The following GPC6 variants were observed in gnomAD, a reference collection of about 807,000 sequenced individuals.
The protein encoded by GPC6 is glypican 6.
In GPC6, 14 loss-of-function variants were observed where a neutral mutation model predicts 55.2. The ratio of observed to expected loss-of-function variants is 0.25; its 90% CI spans 0.17 to 0.40. The LOEUF is 0.40. Among genes scored for constraint, GPC6 ranks in the 10% least tolerant of loss-of-function variants. The pLI, the probability that GPC6 is intolerant of heterozygous loss-of-function variation, is 1.00. For missense variants in GPC6, 641 were observed against 708.5 expected, an observed-to-expected ratio of 0.90 and a Z score of 1.08; for synonymous variants, 278 against 259.6, an observed-to-expected ratio of 1.07 and a Z score of -0.68.
intron 2 of GPC6, among the ~76,000 whole-genome samples, chr13:93,635,430 A>G (rs1167686763): frequency 1.3e-5 from 2 of 152,190 alleles, no homozygotes; most frequent in Non-Finnish European, 2.9e-5. Context: ...AGAAATTCCT[A>G]TTTAGAGTAG....
chr13:93,972,049 A>G (rs1389981090), intron 3 of GPC6, among the ~76,000 whole-genome samples: 1 of 152,262 alleles, frequency 6.6e-6, no homozygotes, highest in Non-Finnish European at 1.5e-5. Context: ...ATCAGACAGG[A>G]TGTCTGGAGT....
chr13:93,672,302 G>A (rs1486202563), intron 2 of GPC6, among the ~76,000 whole-genome samples: 1 of 151,444 alleles, frequency 6.6e-6, no homozygotes, highest in Non-Finnish European at 1.5e-5. Context: ...GCTCATATTT[G>A]GATATAACTA....
At chr13:94,082,020 T>C (rs1053448938) in intron 4 of GPC6, among the ~76,000 whole-genome samples, 2 of 152,002 alleles carry the variant, frequency 1.3e-5, no homozygotes, top group Non-Finnish European at 2.9e-5. Context: ...TTTGTATTTT[T>C]AGTAGAGACG....
intron 1 of GPC6, among the ~76,000 whole-genome samples, chr13:93,481,286 C>T (rs1879513420): frequency 6.6e-6 from 1 of 151,970 alleles, no homozygotes; most frequent in African/African-American, 2.4e-5. Context: ...TGAGGTGATT[C>T]ATCTTTTTAT....
At chr13:94,015,787 T>G (rs1882442718) in intron 3 of GPC6, among the ~76,000 whole-genome samples, 1 of 152,176 alleles carries the variant, frequency 6.6e-6, no homozygotes, top group African/African-American at 2.4e-5. Context: ...CTTTGCACGC[T>G]TGTTGAAAAT....
At chr13:94,319,189 TCACTC>T (rs1207389928) in intron 6 of GPC6, among the ~76,000 whole-genome samples, 1 of 152,090 alleles carries the variant, frequency 6.6e-6, no homozygotes, top group Non-Finnish European at 1.5e-5. Flanking sequence ...TTTTCTTACT[TCACTC>T]TTTTTCTTTT....
At chr13:93,611,951 G>C (rs1208684224) in intron 2 of GPC6, among the ~76,000 whole-genome samples, 2 of 152,118 alleles carry the variant, frequency 1.3e-5, no homozygotes, top group Non-Finnish European at 2.9e-5. Context: ...TAAACTCACA[G>C]TCATTGTCTT....
chr13:93,635,994 G>T (rs1410968580), intron 2 of GPC6, among the ~76,000 whole-genome samples: 1 of 151,930 alleles, frequency 6.6e-6, no homozygotes, highest in Non-Finnish European at 1.5e-5. Context: ...ACAAAACTCG[G>T]CTCCACATTG....
chr13:93,238,885 AT>A (rs1458855386), intron 1 of GPC6, among the ~76,000 whole-genome samples: 1 of 152,126 alleles, frequency 6.6e-6, no homozygotes, highest in Non-Finnish European at 1.5e-5. Flanking sequence ...TATGTGGTGA[AT>A]TACATTTGTT....
rs1208498115 is a variant in GPC6, at chr13:94,327,681, C to G, written c.1152+21558C>G. On this transcript the variant is annotated intron_variant, in intron 6 of 8. Coordinates refer to ENST00000377047, the MANE Select transcript of GPC6 (RefSeq NM_005708.5). ...GTCACATTGACTAAAAATATAGATTCAAAAGTGAGTGGGTCGGAGTATTTT... is the reference window on the plus strand; with the variant it reads ...GTCACATTGACTAAAAATATAGATTGAAAAGTGAGTGGGTCGGAGTATTTT... Among the ~76,000 whole-genome samples the G allele has an allele frequency of 2.7e-5, 4 of 150,474 alleles. No homozygotes were observed. The East Asian group carries it at 8.9e-4, about 33-fold the overall frequency.
chr13:93,564,690 C>A (rs971307287), intron 2 of GPC6, among the ~76,000 whole-genome samples: 7 of 152,054 alleles, frequency 4.6e-5, no homozygotes, highest in African/African-American at 1.7e-4. Context: ...TTTTTACCTT[C>A]TATGAAGTGA....
At chr13:93,338,333 AT>A (rs1454370929) in intron 1 of GPC6, among the ~76,000 whole-genome samples, 1 of 152,192 alleles carries the variant, frequency 6.6e-6, no homozygotes, top group African/African-American at 2.4e-5. Flanking sequence ...TGGAACTGAA[AT>A]TTATGACAGG....
In GPC6 at chr13:93,927,162, C is replaced by T. The variant is rs113999637; in HGVS notation, c.711+96617C>T. Among the ~76,000 whole-genome samples, 421 of 152,298 alleles carry T rather than the reference C, an allele frequency of 2.8e-3. 3 individuals are homozygous for T. Among genetic ancestry groups the T allele is most frequent in the African/African-American group, 9.9e-3 (411 of 41,570 alleles). ...ACTAAGACAGCCTAGAATTAAGTAA[C>T]TTTGCTGCTAAGTCATACAATATCT... On this transcript the variant is annotated intron_variant, in intron 3 of 8. Coordinates refer to ENST00000377047, the MANE Select transcript of GPC6 (RefSeq NM_005708.5).
At chr13:93,808,209 T>C (rs1247254397) in intron 2 of GPC6, among the ~76,000 whole-genome samples, 6 of 89,900 alleles carry the variant, frequency 6.7e-5, no homozygotes, top group Non-Finnish European at 1.7e-4. Context: ...TATATAGCTC[T>C]ATGTGTAAGT....
At chr13:93,425,298 G>A (rs997190909) in intron 1 of GPC6, among the ~76,000 whole-genome samples, 2 of 152,012 alleles carry the variant, frequency 1.3e-5, no homozygotes, top group African/African-American at 4.8e-5. Context: ...CCACTTCCAT[G>A]TACTTGGTTG....
At chr13:93,523,166 T>C (rs1566403202) in intron 1 of GPC6, among the ~76,000 whole-genome samples, 2 of 145,630 alleles carry the variant, frequency 1.4e-5, no homozygotes. Flanking sequence ...TATATGTACA[T>C]ATATACACAT....
intron 3 of GPC6, among the ~76,000 whole-genome samples, chr13:94,005,564 C>CATG (rs1218536303): frequency 6.6e-6 from 1 of 152,182 alleles, no homozygotes; most frequent in Admixed American, 6.5e-5. Context: ...TATCAGGAGA[C>CATG]ATGAGCTCTT....
intron 4 of GPC6, among the ~76,000 whole-genome samples, chr13:94,247,290 A>G (rs938287850): frequency 2.0e-5 from 3 of 152,130 alleles, no homozygotes; most frequent in Admixed American, 2.0e-4. Flanking sequence ...CATTATCTGC[A>G]GATACAAATA....
At chr13:93,532,086 C>T (rs1594241497) in intron 1 of GPC6, among the ~76,000 whole-genome samples, 3 of 152,198 alleles carry the variant, frequency 2.0e-5, no homozygotes, top group African/African-American at 7.2e-5. Context: ...CCAAAAGCTT[C>T]CTGTTTTGCC....
Sources: gnomAD v4.1 joint callset for allele counts (sites outside exome capture counted in the v4.1 genomes callset) on GRCh38, gnomAD v4.1.1 for gene constraint, MANE v1.5 for transcripts, NCBI Gene and HGNC (gene_info 2026-07-23, HGNC 2026-07-21) for gene names.